XKR9: variants seen among roughly 807,000 people sequenced by gnomAD.
XKR9 encodes the protein XK related 9, also known as XK-related protein 9.
XKR9 carries 32 observed loss-of-function variants against 32.0 expected under a neutral mutation model. The observed-to-expected ratio is 1.00, with a 90% CI of 0.76 to 1.34. The LOEUF is 1.34. Ranked by LOEUF, XKR9 falls within the 40% of genes most tolerant of loss-of-function variation. The pLI, the probability that XKR9 is intolerant of heterozygous loss-of-function variation, is 0.00. For missense variants in XKR9, 546 were observed against 429.7 expected (o/e 1.27, Z -2.39); for synonymous variants, 168 against 143.4 (o/e 1.17, Z -1.22).
At chr8:70,725,745 A>G (rs933834045) in intron 4 of XKR9, among the ~76,000 whole-genome samples, 5 of 152,086 alleles carry the variant, frequency 3.3e-5, no homozygotes, top group Admixed American at 6.6e-5. Context: ...GTCTCTACTA[A>G]AAATACAAAA....
intron 2 of XKR9, among the ~76,000 whole-genome samples, chr8:70,679,351 A>G (rs1161256794): frequency 6.6e-6 from 1 of 152,194 alleles, no homozygotes; most frequent in African/African-American, 2.4e-5. Context: ...GTACTTTTCT[A>G]GGGGTTTATA....
At chr8:70,714,814 C>T (rs1806036618) in intron 4 of XKR9, among the ~76,000 whole-genome samples, 1 of 151,578 alleles carries the variant, frequency 6.6e-6, no homozygotes, top group Non-Finnish European at 1.5e-5. Context: ...TACTTAATGC[C>T]AAATCAGAAA....
At chr8:70,908,792 C>A in the XKR9 span, among the ~76,000 whole-genome samples, 1 of 151,940 alleles carries the variant, frequency 6.6e-6, no homozygotes, top group African/African-American at 2.4e-5. Flanking sequence ...TGTTAATAAC[C>A]ATTCTTAGAT....
the XKR9 span, among the ~76,000 whole-genome samples, chr8:70,954,705 A>G: frequency 2.0e-5 from 3 of 152,206 alleles, no homozygotes; most frequent in Non-Finnish European, 4.4e-5. Context: ...AGCTTCACAT[A>G]AAGGCATTGG....
At chr8:70,794,239 C>T (rs1490772313), downstream of XKR9, among the ~76,000 whole-genome samples, 1 of 151,986 alleles carries the variant, frequency 6.6e-6, no homozygotes, top group South Asian at 2.1e-4. Flanking sequence ...TTTATTAGTT[C>T]TAACAGGTTT....
At chr8:70,814,358 G>C in the XKR9 span, among the ~76,000 whole-genome samples, 1 of 151,640 alleles carries the variant, frequency 6.6e-6, no homozygotes, top group Non-Finnish European at 1.5e-5. Context: ...TGAGTTAGTG[G>C]GTGCAGCACA....
chr8:70,761,860 T>G (rs999362818), intron 2 of XKR9, among the ~76,000 whole-genome samples: 5 of 151,890 alleles, frequency 3.3e-5, no homozygotes, highest in African/African-American at 1.2e-4. Context: ...CCATCTTGAG[T>G]TGGTTTTTGT....
the XKR9 span, among the ~76,000 whole-genome samples, chr8:71,054,889 C>G: frequency 6.6e-6 from 1 of 152,096 alleles, no homozygotes. Context: ...AAATTGTTAC[C>G]TAAGAGTATC....
the XKR9 span, among the ~76,000 whole-genome samples, chr8:70,863,261 CTA>C: frequency 6.6e-6 from 1 of 152,056 alleles, no homozygotes. Flanking sequence ...ATAATTAAGG[CTA>C]TAAGTTAATA....
In XKR9 at chr8:70,769,986, C is replaced by T. The variant is rs144812992; in HGVS notation, n.353-19353C>T. 4.7e-3 allele frequency among the ~76,000 whole-genome samples: 715 copies of T among 152,096 alleles called. 19 individuals are homozygous for T. The highest frequency in any genetic ancestry group is 0.037 in the Admixed American group (572 of 15,282). Reference sequence around the variant, plus strand: ...CCATCCAGTTGTGTTCCCTTGCTGGCGAGGAATTGTGATCCTTTGGAGGAG... The same window carrying T: ...CCATCCAGTTGTGTTCCCTTGCTGGTGAGGAATTGTGATCCTTTGGAGGAG... On this transcript the variant is annotated intron_variant and non_coding_transcript_variant, in intron 2 of 3. Coordinates refer to the XKR9 transcript ENST00000520273.
At chr8:70,759,872 T>A (rs1807284672) in intron 2 of XKR9, among the ~76,000 whole-genome samples, 1 of 152,194 alleles carries the variant, frequency 6.6e-6, no homozygotes, top group Non-Finnish European at 1.5e-5. Context: ...CAACAAAGAA[T>A]TGCCTATCAT....
At chr8:70,973,303 A>G in the XKR9 span, among the ~76,000 whole-genome samples, 2 of 151,894 alleles carry the variant, frequency 1.3e-5, no homozygotes, top group African/African-American at 4.8e-5. Context: ...TATTAGTTGT[A>G]ATATTTCCCA....
At position 70,683,459 on chromosome 8, in the gene XKR9, T is replaced by G. The variant is rs961307657; in HGVS notation, c.272+2129T>G. 3 of 431,796 alleles carry G rather than the reference T, an allele frequency of 6.9e-6. No homozygotes were observed. In the Admixed American group the frequency reaches 8.3e-5, roughly 12 times the overall value. The allele number at this position is 431,796 out of a possible 1,614,324, so 26.7% of individuals were successfully genotyped here. A position where few individuals can be genotyped will look rare whatever the true frequency, so the allele number is the denominator to read the frequency against. On this transcript the variant is annotated intron_variant, in intron 3 of 4. Transcript: ENST00000408926. The stretch of plus-strand genomic sequence containing the variant: ...TACTCTCTTTATTTTTTATTTCTTC[T>G]TGAATCTCAGGACTTCTACCTAGAA...
chr8:70,720,894 C>A (rs939874104), intron 4 of XKR9, among the ~76,000 whole-genome samples: 1 of 152,260 alleles, frequency 6.6e-6, no homozygotes, highest in East Asian at 1.9e-4. Flanking sequence ...CCTCTTTGTA[C>A]CTCTGGTAGA....
chr8:70,983,427 G>T, the XKR9 span, among the ~76,000 whole-genome samples: 1 of 152,112 alleles, frequency 6.6e-6, no homozygotes, highest in African/African-American at 2.4e-5. Flanking sequence ...CTCCATGCAG[G>T]CTGGCACTGT....
chr8:70,680,118 A>G (rs1819024573), intron 2 of XKR9, among the ~76,000 whole-genome samples: 1 of 152,124 alleles, frequency 6.6e-6, no homozygotes, highest in African/African-American at 2.4e-5. Flanking sequence ...CATAAATAGT[A>G]TACAGTATTT....
chr8:70,689,430 T>A (rs541242441), intron 3 of XKR9, among the ~76,000 whole-genome samples: 46 of 147,672 alleles, frequency 3.1e-4, no homozygotes, highest in Admixed American at 6.8e-4. Flanking sequence ...GAAAGTAGCT[T>A]GACCATATTG....
the XKR9 span, among the ~76,000 whole-genome samples, chr8:70,914,876 C>G: frequency 6.6e-6 from 1 of 152,274 alleles, no homozygotes; most frequent in African/African-American, 2.4e-5. Context: ...CAGGCAAAAT[C>G]AATTCACTAC....
the XKR9 span, among the ~76,000 whole-genome samples, chr8:70,864,754 C>A: frequency 2.0e-5 from 3 of 152,040 alleles, no homozygotes; most frequent in Admixed American, 6.6e-5. Context: ...TTTATGGAAC[C>A]GTTTGCTGTC....
Sources: gnomAD v4.1 joint callset for allele counts (sites outside exome capture counted in the v4.1 genomes callset) on GRCh38, gnomAD v4.1.1 for gene constraint, MANE v1.5 for transcripts, NCBI Gene and HGNC (gene_info 2026-07-23, HGNC 2026-07-21) for gene names.